Variants in NCK2 observed in about 807,000 individuals in gnomAD.
NCK2 encodes NCK adaptor protein 2, also known as cytoplasmic protein NCK2.
Under a neutral mutation model 33.9 loss-of-function variants are expected in NCK2, and 16 were observed. The observed-to-expected ratio is 0.47, with a 90% CI of 0.32 to 0.72. The LOEUF is 0.72. NCK2 is among the 30% of genes least tolerant of loss of function. The pLI, the probability that NCK2 is intolerant of heterozygous loss-of-function variation, is 0.03. For synonymous variants in NCK2, 273 were observed against 239.9 expected (o/e 1.14, Z -1.27); for missense variants, 418 against 537.3 (o/e 0.78, Z 2.19).
At chr2:105,763,875 T>A (rs1026847721) in intron 1 of NCK2, among the ~76,000 whole-genome samples, 3 of 152,250 alleles carry the variant, frequency 2.0e-5, no homozygotes, top group African/African-American at 7.2e-5. Context: ...CATGTGGAAC[T>A]ATAAATACCA....
intron 1 of NCK2, among the ~76,000 whole-genome samples, chr2:105,798,205 G>GA (rs1691154529): frequency 6.6e-6 from 1 of 152,114 alleles, no homozygotes; most frequent in African/African-American, 2.4e-5. Flanking sequence ...TGATTTTGTT[G>GA]AAAAAATGTA....
At chr2:105,776,942 C>G (rs1690324219) in intron 1 of NCK2, among the ~76,000 whole-genome samples, 1 of 151,282 alleles carries the variant, frequency 6.6e-6, no homozygotes, top group South Asian at 2.1e-4. Context: ...TTCATATAGG[C>G]AGAATCTAGT....
chr2:105,776,139 C>T (rs886503995), intron 1 of NCK2, among the ~76,000 whole-genome samples: 1 of 152,210 alleles, frequency 6.6e-6, no homozygotes, highest in African/African-American at 2.4e-5. Flanking sequence ...TGGCTGGGGA[C>T]CTCCCCTAGG....
At chr2:105,890,166 C>A (rs150408129) in intron 4 of NCK2, among the ~76,000 whole-genome samples, 1 of 152,060 alleles carries the variant, frequency 6.6e-6, no homozygotes, top group South Asian at 2.1e-4. Context: ...TGCTCAGGAG[C>A]CCACGAAATT....
intron 4 of NCK2, among the ~76,000 whole-genome samples, chr2:105,884,316 C>T (rs1449515431): frequency 2.6e-5 from 4 of 152,154 alleles, no homozygotes; most frequent in East Asian, 3.8e-4. Flanking sequence ...AGCTGGCTTT[C>T]GCAGCCACCA....
At chr2:105,775,969 G>T (rs1690285483) in intron 1 of NCK2, among the ~76,000 whole-genome samples, 1 of 152,248 alleles carries the variant, frequency 6.6e-6, no homozygotes, top group Non-Finnish European at 1.5e-5. Flanking sequence ...AGGGATAATT[G>T]TTGACCGTCA....
rs182906052 is a variant in NCK2, at chr2:105,824,267, C to T, written c.-17+7654C>T. ...AGAGTACTGCTTTCCACTTGGGCCCCTGACGGTGCTCACAGGGAATGAGTG... is the reference window on the plus strand; with the variant it reads ...AGAGTACTGCTTTCCACTTGGGCCCTTGACGGTGCTCACAGGGAATGAGTG... On this transcript the variant is annotated intron_variant, in intron 2 of 4. Transcript: ENST00000233154. Among the ~76,000 whole-genome samples the T allele has an allele frequency of 6.6e-5, 10 of 150,524 alleles. No homozygotes were observed. The East Asian group carries it at 1.9e-3, about 29-fold the overall frequency.
intron 1 of NCK2, among the ~76,000 whole-genome samples, chr2:105,808,980 A>G (rs1484346317): frequency 6.6e-6 from 1 of 152,192 alleles, no homozygotes; most frequent in Non-Finnish European, 1.5e-5. Context: ...ATGAGAAAGT[A>G]TTTTTACATA....
At chr2:105,847,909 G>A (rs1019986880) in intron 2 of NCK2, among the ~76,000 whole-genome samples, 1 of 152,110 alleles carries the variant, frequency 6.6e-6, no homozygotes, top group Non-Finnish European at 1.5e-5. Context: ...ATTAAAAAAA[G>A]GGAGCTGTGA....
intron 1 of NCK2, among the ~76,000 whole-genome samples, chr2:105,755,653 G>T (rs547511741): frequency 6.6e-6 from 1 of 151,740 alleles, no homozygotes; most frequent in Non-Finnish European, 1.5e-5. Flanking sequence ...GCAGGTACAC[G>T]AATACCTTTT....
chr2:105,883,972 C>T (rs1032479231), intron 4 of NCK2, among the ~76,000 whole-genome samples: 5 of 152,200 alleles, frequency 3.3e-5, no homozygotes, highest in African/African-American at 1.2e-4. Flanking sequence ...TCTGAGGTTC[C>T]ACGTGGCCTG....
At chr2:105,773,701 C>A (rs1419592303) in intron 1 of NCK2, among the ~76,000 whole-genome samples, 1 of 152,106 alleles carries the variant, frequency 6.6e-6, no homozygotes, top group Non-Finnish European at 1.5e-5. Flanking sequence ...CACTCAACAA[C>A]TATTTGAGCA....
intron 1 of NCK2, among the ~76,000 whole-genome samples, chr2:105,806,234 CTTTCTTTTTTTTT>C (rs1675031278): frequency 1.7e-5 from 1 of 57,938 alleles, no homozygotes; most frequent in Non-Finnish European, 3.8e-5. Flanking sequence ...ATCACATTTT[CTTTCTTTTTTTTT>C]TTTTTTTTGA....
chr2:105,871,677 T>G (rs957733712), intron 3 of NCK2, among the ~76,000 whole-genome samples: 96 of 152,182 alleles, frequency 6.3e-4, no homozygotes, highest in African/African-American at 2.2e-3. Context: ...GTATTTTTAG[T>G]AGAGACGGGG....
At chr2:105,808,525 G>A (rs947347655) in intron 1 of NCK2, among the ~76,000 whole-genome samples, 3 of 152,176 alleles carry the variant, frequency 2.0e-5, no homozygotes, top group African/African-American at 7.2e-5. Context: ...CTTGAGAAAG[G>A]ATCTTTCATC....
At chr2:105,843,703 G>C (rs1288190837) in intron 2 of NCK2, among the ~76,000 whole-genome samples, 1 of 152,212 alleles carries the variant, frequency 6.6e-6, no homozygotes, top group Non-Finnish European at 1.5e-5. Context: ...TGGTAGCCCA[G>C]AGTATAAAAT....
chr2:105,828,839 C>T (rs910971229), intron 2 of NCK2, among the ~76,000 whole-genome samples: 4 of 152,220 alleles, frequency 2.6e-5, no homozygotes, highest in Admixed American at 6.5e-5. Context: ...TACCCAGTGG[C>T]CACTGTCTGA....
intron 1 of NCK2, among the ~76,000 whole-genome samples, chr2:105,774,517 G>A (rs1022887447): frequency 2.6e-5 from 4 of 152,058 alleles, no homozygotes; most frequent in Admixed American, 2.0e-4. Context: ...GCCCTGGTGT[G>A]TTGAGCCCCT....
At chr2:105,748,193 T>C (rs1354903471) in intron 1 of NCK2, among the ~76,000 whole-genome samples, 1 of 152,180 alleles carries the variant, frequency 6.6e-6, no homozygotes, top group African/African-American at 2.4e-5. Flanking sequence ...CCAGCCTCTG[T>C]GTTCCCTCTC....
Sources: allele counts gnomAD v4.1 joint callset (sites outside exome capture counted in the v4.1 genomes callset), GRCh38; gene constraint gnomAD v4.1.1; transcripts MANE v1.5; gene names NCBI Gene and HGNC (gene_info 2026-07-23, HGNC 2026-07-21).